LETMD1: variants seen among roughly 807,000 people sequenced by gnomAD.
LETMD1 encodes the protein LETM1 domain containing 1.
In LETMD1, 30 loss-of-function variants were observed where a neutral mutation model predicts 43.9. The observed-to-expected ratio is 0.68, with a 90% CI of 0.51 to 0.93. The LOEUF (loss-of-function observed/expected upper bound fraction) is 0.93. LETMD1 is among the 40% of genes least tolerant of loss of function. The pLI is 0.00. For missense variants in LETMD1, 413 were observed against 447.7 expected (o/e 0.92, Z 0.70); for synonymous variants, 176 against 163.1 (o/e 1.08, Z -0.60).
intron 4 of LETMD1, among the ~76,000 whole-genome samples, chr12:51,055,318 T>C (rs957389721): frequency 1.2e-4 from 18 of 152,046 alleles, no homozygotes; most frequent in African/African-American, 4.1e-4. Context: ...ATTTCAGTAA[T>C]GGTGCTTGAA....
chr12:51,056,526 A>G (rs759353914), intron 7 of LETMD1, 24 bp downstream of exon 7: 8 of 1,613,706 alleles, frequency 5.0e-6, no homozygotes, highest in Middle Eastern at 1.6e-4. Context: ...TGCAACATCA[A>G]CCCTCAACCC....
downstream of LETMD1, chr12:51,064,486 C>T: frequency 6.2e-7 from 1 of 1,609,450 alleles, no homozygotes; most frequent in Admixed American, 1.7e-5. Flanking sequence ...CTGCAACTGG[C>T]AGTCGGGGAG....
chr12:51,063,096 AAC>A (rs1042418861), downstream of LETMD1: 3 of 152,262 alleles, frequency 2.0e-5, no homozygotes, highest in Non-Finnish European at 4.4e-5. Flanking sequence ...ATGTGGAAGA[AAC>A]AATTCAAGTT....
At chr12:51,054,141 C>T (rs1325538553) in intron 4 of LETMD1, among the ~76,000 whole-genome samples, 2 of 147,226 alleles carry the variant, frequency 1.4e-5, no homozygotes, top group Non-Finnish European at 3.1e-5. Context: ...TCCCTAGAGG[C>T]TCTCTCCCCG....
At chr12:51,050,232 ATT>A (rs35466308) in intron 2 of LETMD1, among the ~76,000 whole-genome samples, 146 of 145,184 alleles carry the variant, frequency 1.0e-3, no homozygotes, top group African/African-American at 3.6e-3. Context: ...TTTATTATGA[ATT>A]TTTTTTTTTT....
rs56285797 is a variant in LETMD1 at position 51,055,665 on chromosome 12, TAAAAAAAA to T, written c.474-152_474-145del. ...GGGTGAGAGAGGGGACCCTGTCTCT[TAAAAAAAA>T]AAAAAAAAAAAAAAAAACTGAAAAA... On this transcript the variant is annotated intron_variant, in intron 4 of 8. Coordinates refer to ENST00000262055, the MANE Select transcript of LETMD1 (RefSeq NM_015416.5). 1.7e-3 allele frequency: 260 copies of T among 150,414 alleles called. 2 individuals carry two copies. Among genetic ancestry groups the T allele is most frequent in the Non-Finnish European group, 2.8e-3 (233 of 84,648 alleles). 9.3% of individuals were successfully genotyped at this position (150,414 alleles called of 1,614,324 possible).
chr12:51,061,345 T>C (rs1948823347), downstream of LETMD1: 1 of 152,648 alleles, frequency 6.6e-6, no homozygotes, highest in South Asian at 2.1e-4. Flanking sequence ...ATACTACCTG[T>C]GTACAGTATG....
chr12:51,059,160 T>G (rs1484824625), intron 8 of LETMD1: 1 of 556,434 alleles, frequency 1.8e-6, no homozygotes, highest in Admixed American at 3.0e-5. Flanking sequence ...AAATAGAGGA[T>G]GAGTTGATAC....
chr12:51,055,252 A>C (rs992449459), intron 4 of LETMD1, among the ~76,000 whole-genome samples: 4 of 152,156 alleles, frequency 2.6e-5, no homozygotes, highest in African/African-American at 9.7e-5. Flanking sequence ...AAAATGAGTC[A>C]TTATATCTGA....
At chr12:51,060,569 C>T (rs751669664), downstream of LETMD1, 6 of 152,138 alleles carry the variant, frequency 3.9e-5, no homozygotes, top group Non-Finnish European at 7.3e-5. Flanking sequence ...CCTTGCTGGA[C>T]ACTTTAAGGT....
Position 51,056,011 on chromosome 12 carries a change from T to C in LETMD1, c.650T>C (p.Leu217Pro). Residue 217 changes from leucine (L) to proline (P), a missense_variant, in exon 5 of 9, where the codon CTG becomes CCG. Coordinates refer to ENST00000262055, the MANE Select transcript of LETMD1 (RefSeq NM_015416.5). ...GGACTCCGGTGGCGTCTGACAGATC[T>C]GTGCACCAAGGTATTCCTGCAGTTA... is the stretch of plus-strand genomic sequence containing the variant. The part of the protein sequence containing the change: ...DAGLRWRLTD[L>P]CTKIQRGTHP... The C allele has an allele frequency of 6.2e-7, 1 of 1,613,800 alleles. No homozygotes were observed. The highest frequency in any genetic ancestry group is 8.5e-7 in the Non-Finnish European group (1 of 1,179,816).
At chr12:51,063,724 G>A, downstream of LETMD1, 1 of 1,497,472 alleles carries the variant, frequency 6.7e-7, no homozygotes, top group Non-Finnish European at 8.9e-7. Context: ...GAATGGGTAA[G>A]AGGCAGGACC....
downstream of LETMD1, among the ~76,000 whole-genome samples, chr12:51,060,750 A>G (rs1190161526): frequency 2.6e-5 from 4 of 152,010 alleles, no homozygotes; most frequent in Non-Finnish European, 5.9e-5. Context: ...AAATAGCAAA[A>G]AATTAGCCAG....
At chr12:51,063,828 C>T, downstream of LETMD1, 1 of 1,613,438 alleles carries the variant, frequency 6.2e-7, no homozygotes, top group Non-Finnish European at 8.5e-7. Context: ...CATCCCACAG[C>T]CCTCTTCATT....
At chr12:51,067,526 T>C in the LETMD1 span, 1 of 722,530 alleles carries the variant, frequency 1.4e-6, no homozygotes, top group Non-Finnish European at 2.3e-6. This position sits in a 1 kb window ranked among gnomAD's most constrained non-coding sequence, Gnocchi z 4.1. Context: ...TTGCTTACTC[T>C]GTTGACGGAG....
chr12:51,056,327 C>T, intron 6 of LETMD1, 23 bp from the exon 7 acceptor site: 3 of 1,614,020 alleles, frequency 1.9e-6, no homozygotes, highest in Non-Finnish European at 2.5e-6. Flanking sequence ...TTGCCTTTCC[C>T]CTCCTATGTG....
intron 2 of LETMD1, 111 bp from the exon 3 acceptor site, chr12:51,051,981 C>T (rs549759678): frequency 1.9e-5 from 17 of 879,116 alleles, no homozygotes; most frequent in South Asian, 3.9e-5. Context: ...CTTTGAGTAT[C>T]GTTGGGGAGG....
the LETMD1 span, among the ~76,000 whole-genome samples, chr12:51,067,373 A>C: frequency 9.2e-5 from 14 of 151,908 alleles, no homozygotes; most frequent in African/African-American, 3.4e-4. The surrounding 1 kb of genome is among the most constrained non-coding windows in gnomAD (Gnocchi z 4.1). Flanking sequence ...ACAGGGTCTC[A>C]CTCTGTGACC....
chr12:51,050,469 C>G (rs1945740401), intron 2 of LETMD1, among the ~76,000 whole-genome samples: 1 of 151,702 alleles, frequency 6.6e-6, no homozygotes, highest in Non-Finnish European at 1.5e-5. Context: ...GATCCGCCTG[C>G]CTCGGCTTCC....
Sources: gnomAD v4.1 joint callset for allele counts (sites outside exome capture counted in the v4.1 genomes callset) on GRCh38, gnomAD v4.1.1 for gene constraint, Gnocchi (gnomAD v3.1) non-coding constraint, MANE v1.5 for transcripts, NCBI Gene and HGNC (gene_info 2026-07-23, HGNC 2026-07-21) for gene names.